Variants in DAB1 observed in about 807,000 individuals in gnomAD.
The protein encoded by DAB1 is disabled homolog 1.
Under a neutral mutation model 64.6 loss-of-function variants are expected in DAB1, and 15 were observed. That is an observed-to-expected ratio of 0.23 (90% confidence interval 0.16 to 0.36). The LOEUF (loss-of-function observed/expected upper bound fraction) is 0.36, where lower values mean the gene tolerates loss of function less well. Ranked by LOEUF, DAB1 falls within the 10% of genes least tolerant of loss-of-function variation. DAB1 has a pLI of 1.00. For synonymous variants in DAB1, 235 were observed against 251.9 expected (o/e 0.93, Z 0.64); for missense variants, 596 against 706.7 (o/e 0.84, Z 1.78).
At chr1:58,073,864 A>G (rs756819757) in intron 5 of DAB1, among the ~76,000 whole-genome samples, 29 of 152,282 alleles carry the variant, frequency 1.9e-4, no homozygotes, top group Middle Eastern at 6.8e-3. Context: ...CAGAAGGTGA[A>G]TGAATGGAAA....
intron 5 of DAB1, among the ~76,000 whole-genome samples, chr1:58,144,747 A>T (rs971253917): frequency 2.0e-5 from 3 of 152,220 alleles, no homozygotes; most frequent in Non-Finnish European, 2.9e-5. Context: ...GTCACCCAGC[A>T]GCAAGCAGCA....
chr1:57,390,447 C>G (rs1682254205), intron 1 of DAB1, among the ~76,000 whole-genome samples: 1 of 152,096 alleles, frequency 6.6e-6, no homozygotes, highest in South Asian at 2.1e-4. Context: ...ATTCAGACAC[C>G]AAAATAATCA....
chr1:58,013,746 G>A (rs1646701478), intron 5 of DAB1, among the ~76,000 whole-genome samples: 1 of 152,158 alleles, frequency 6.6e-6, no homozygotes, highest in African/African-American at 2.4e-5. Flanking sequence ...GCTCAAGAGA[G>A]TCAGTTATGC....
rs1408882117 is a variant in DAB1 at position 57,173,225 on chromosome 1, G to A, written c.68-27796C>T. Reference sequence around the variant, plus strand: ...GCTTCCAGTTCAAGAGATTCTAAATGCCAGAGAAAGAAGCAGATGAGGGAG... The same window carrying A: ...GCTTCCAGTTCAAGAGATTCTAAATACCAGAGAAAGAAGCAGATGAGGGAG... On this transcript the variant is annotated intron_variant, in intron 2 of 14. Transcript: ENST00000371236. Among the ~76,000 whole-genome samples the A allele has an allele frequency of 2.0e-5, 3 of 152,204 alleles. No individual in the cohort carries two copies. The East Asian group carries it at 5.8e-4, about 29-fold the overall frequency.
rs985364773 is a variant in DAB1 at position 58,004,552 on chromosome 1, C to T, written n.388-120390G>A. Among the ~76,000 whole-genome samples the T allele has an allele frequency of 3.3e-5, 5 of 152,102 alleles. No homozygotes were observed. In the East Asian group the frequency reaches 5.8e-4, roughly 18 times the overall value. On this transcript the variant is annotated intron_variant and non_coding_transcript_variant, in intron 5 of 20. Coordinates refer to the DAB1 transcript ENST00000485760. ...CTTGGAGAAAGTGTAATGGGGAAAG[C>T]AAAGGAATGGACACAGCTCCTCCTA...
chr1:58,544,352 A>T (rs1483489057), intron 1 of DAB1, among the ~76,000 whole-genome samples: 1 of 152,192 alleles, frequency 6.6e-6, no homozygotes, highest in Admixed American at 6.5e-5. Flanking sequence ...AACAAAACAG[A>T]TTTTAAAAAA....
intron 3 of DAB1, among the ~76,000 whole-genome samples, chr1:58,486,661 T>A (rs1421909518): frequency 2.0e-5 from 3 of 152,146 alleles, no homozygotes; most frequent in African/African-American, 7.2e-5. Context: ...TTTAGTTAAG[T>A]ACATGAAGAA....
intron 7 of DAB1, among the ~76,000 whole-genome samples, chr1:57,451,466 T>G (rs1686359121): frequency 6.6e-6 from 1 of 152,204 alleles, no homozygotes; most frequent in South Asian, 2.1e-4. Context: ...TTACCTGTGT[T>G]AAAATATGTT....
At chr1:57,812,671 T>C (rs1265232495) in intron 6 of DAB1, among the ~76,000 whole-genome samples, 1 of 152,218 alleles carries the variant, frequency 6.6e-6, no homozygotes, top group Non-Finnish European at 1.5e-5. Context: ...CTCATTCAGA[T>C]TCACAAACAG....
intron 7 of DAB1, among the ~76,000 whole-genome samples, chr1:57,560,184 A>G (rs981909389): frequency 5.9e-5 from 9 of 152,126 alleles, no homozygotes; most frequent in African/African-American, 2.2e-4. Context: ...CCAGCAATAT[A>G]CCTCTACTGT....
At chr1:57,589,560 C>T (rs1198363378) in intron 7 of DAB1, among the ~76,000 whole-genome samples, 1 of 152,116 alleles carries the variant, frequency 6.6e-6, no homozygotes, top group Non-Finnish European at 1.5e-5. Flanking sequence ...AGTTTGAGAA[C>T]AGTCTGGCCA....
At chr1:58,333,499 C>T (rs572882402) in intron 4 of DAB1, among the ~76,000 whole-genome samples, 8 of 152,282 alleles carry the variant, frequency 5.3e-5, no homozygotes, top group South Asian at 2.1e-4. Context: ...ATGCAAAGAG[C>T]GTGAATATGT....
intron 5 of DAB1, among the ~76,000 whole-genome samples, chr1:57,938,567 G>C (rs954545403): frequency 4.6e-5 from 7 of 152,118 alleles, no homozygotes; most frequent in Admixed American, 2.0e-4. Flanking sequence ...ATGTGCCTTT[G>C]CTTCTGTCTT....
intron 2 of DAB1, among the ~76,000 whole-genome samples, chr1:57,220,179 T>A (rs1019598731): frequency 6.6e-6 from 1 of 152,202 alleles, no homozygotes; most frequent in Non-Finnish European, 1.5e-5. Context: ...CATGGTAGGC[T>A]TTGCAGTTTC....
intron 2 of DAB1, among the ~76,000 whole-genome samples, chr1:57,215,957 A>G (rs1666393437): frequency 1.3e-5 from 2 of 152,210 alleles, no homozygotes; most frequent in African/African-American, 2.4e-5. Context: ...TGGGATCTGA[A>G]GAGTAGGCCC....
intron 4 of DAB1, among the ~76,000 whole-genome samples, chr1:58,216,321 T>C (rs1252643961): frequency 1.3e-5 from 2 of 152,162 alleles, no homozygotes; most frequent in Admixed American, 1.3e-4. Context: ...AGAATGATGG[T>C]TTCTAGCTTC....
At chr1:57,971,452 G>T (rs1017458053) in intron 5 of DAB1, among the ~76,000 whole-genome samples, 2 of 152,138 alleles carry the variant, frequency 1.3e-5, no homozygotes, top group Non-Finnish European at 2.9e-5. Flanking sequence ...TAAGGTACAT[G>T]GTGTAGTGTG....
At chr1:58,488,426 C>T (rs1645614283) in intron 3 of DAB1, among the ~76,000 whole-genome samples, 1 of 152,118 alleles carries the variant, frequency 6.6e-6, no homozygotes, top group Admixed American at 6.5e-5. Flanking sequence ...ACACCCATCA[C>T]TCAAGCAGTG....
At chr1:58,478,500 A>AT (rs1258830445) in intron 3 of DAB1, among the ~76,000 whole-genome samples, 3 of 151,760 alleles carry the variant, frequency 2.0e-5, no homozygotes, top group East Asian at 1.9e-4. Context: ...ACCTAGGAGG[A>AT]TTTTTTTTGT....
Sources: allele counts gnomAD v4.1 joint callset (sites outside exome capture counted in the v4.1 genomes callset), GRCh38; gene constraint gnomAD v4.1.1; transcripts MANE v1.5; gene names NCBI Gene and HGNC (gene_info 2026-07-23, HGNC 2026-07-21).